ZZEF1: variants seen among roughly 807,000 people sequenced by gnomAD.
ZZEF1 encodes the protein zinc finger ZZ-type and EF-hand domain-containing protein 1.
In ZZEF1, 157 loss-of-function variants were observed where a neutral mutation model predicts 342.8. The observed-to-expected ratio is 0.46, with a 90% CI of 0.40 to 0.52. ZZEF1 has a LOEUF of 0.52. Among genes scored for constraint, ZZEF1 ranks in the 20% least tolerant of loss-of-function variants. The probability of loss-of-function intolerance (pLI) is 0.00; values close to 1 mark genes in which losing one functional copy is unlikely to be tolerated. For synonymous variants in ZZEF1, 1,505 were observed against 1,429.1 expected, an observed-to-expected ratio of 1.05 and a Z score of -1.20; for missense variants, 3,480 against 3,725.6, an observed-to-expected ratio of 0.93 and a Z score of 1.72.
intron 1 of ZZEF1, among the ~76,000 whole-genome samples, chr17:4,138,498 T>C (rs1224128439): frequency 1.3e-5 from 2 of 152,162 alleles, no homozygotes; most frequent in East Asian, 3.9e-4. Flanking sequence ...AATATGAGGT[T>C]TGAGTGTGTG....
intron 51 of ZZEF1, 23 bp from the exon 52 acceptor site, chr17:4,013,637 GATAT>G (rs1333783167): frequency 6.3e-7 from 1 of 1,598,580 alleles, no homozygotes; most frequent in East Asian, 2.3e-5. Context: ...CCAAAACACG[GATAT>G]ATAAACAGAG....
At chr17:4,007,955 C>CG (rs1019586108) in intron 54 of ZZEF1, among the ~76,000 whole-genome samples, 4 of 150,996 alleles carry the variant, frequency 2.6e-5, no homozygotes, top group Middle Eastern at 3.4e-3. Context: ...AGCTGTCCTC[C>CG]GGGGGGGTGG....
At chr17:4,134,771 C>T (rs553709446) in intron 1 of ZZEF1, among the ~76,000 whole-genome samples, 142 of 152,054 alleles carry the variant, frequency 9.3e-4, no homozygotes, top group African/African-American at 3.3e-3. Flanking sequence ...TACCATGGGC[C>T]AACAGACACT....
intron 12 of ZZEF1, 41 bp downstream of exon 12, chr17:4,090,678 A>C (rs1442474519): frequency 1.6e-5 from 25 of 1,516,230 alleles, no homozygotes; most frequent in Non-Finnish European, 1.9e-5. Flanking sequence ...AAAACACAGA[A>C]TAAAAGGAGG....
At chr17:4,119,334 G>A (rs2058447375) in intron 2 of ZZEF1, among the ~76,000 whole-genome samples, 1 of 152,220 alleles carries the variant, frequency 6.6e-6, no homozygotes, top group Admixed American at 6.5e-5. Context: ...CATCTTTCAA[G>A]TTCTTGATGG....
At chr17:4,091,379 C>T (rs2057939751) in intron 11 of ZZEF1, among the ~76,000 whole-genome samples, 2 of 152,344 alleles carry the variant, frequency 1.3e-5, no homozygotes, top group Admixed American at 6.5e-5. Context: ...TTCAGAAAAA[C>T]ATTCCAGCCT....
rs140548812 is a variant in ZZEF1, at chr17:4,009,740, G to T, written c.8597C>A (p.Ala2866Glu). 3 of 1,614,048 alleles carry T rather than the reference G, an allele frequency of 1.9e-6. No individual in the cohort carries two copies. Among genetic ancestry groups the T allele is most frequent in the Middle Eastern group, 1.6e-4 (1 of 6,062 alleles). Residue 2866 changes from alanine (A) to glutamate (E), a missense_variant, in exon 53 of 55, where the codon GCG (alanine) becomes GAG (glutamate). Ala to Glu is a moderately radical substitution (Grantham distance 107). This residue lies in a region of ZZEF1 where 1,269 missense variants were observed against 1,342.4 expected (regional missense o/e 0.95). Transcript: ENST00000381638. ...CCGHSDLCDL[A>E]LLKPLWQLFT... ...GAGCTGCCACAGGGGCTTCAACAGC[G>T]CAAGGTCACACAGGTCACTGCAGGA... is the stretch of plus-strand genomic sequence containing the variant.
At chr17:4,028,441 G>T (rs931851150) in intron 42 of ZZEF1, among the ~76,000 whole-genome samples, 2 of 151,930 alleles carry the variant, frequency 1.3e-5, no homozygotes, top group Non-Finnish European at 2.9e-5. Flanking sequence ...CCAGCTACTT[G>T]GGAGGCTGAG....
intron 44 of ZZEF1, among the ~76,000 whole-genome samples, chr17:4,022,078 C>T (rs1437090110): frequency 6.6e-6 from 1 of 152,148 alleles, no homozygotes; most frequent in Non-Finnish European, 1.5e-5. Flanking sequence ...TAAACCTAAC[C>T]AAATCCTCTT....
intron 33 of ZZEF1, among the ~76,000 whole-genome samples, chr17:4,054,494 G>A (rs1280320168): frequency 2.0e-5 from 3 of 152,172 alleles, no homozygotes; most frequent in Non-Finnish European, 4.4e-5. Context: ...TAATTCCTCA[G>A]GTGAGACCCA....
intron 16 of ZZEF1, among the ~76,000 whole-genome samples, chr17:4,085,460 C>T (rs964456017): frequency 1.3e-5 from 2 of 152,096 alleles, no homozygotes; most frequent in East Asian, 1.9e-4. Flanking sequence ...GTGAGACATC[C>T]GATCATGAAA....
In ZZEF1 at chr17:4,051,906, G is replaced by C. The variant is rs77427753; in HGVS notation, c.5600+65C>G. ...AAAACTTTTTTAAAAAAAGAAAGAA[G>C]TCCCTTTTCAAGTGAAGGAACGTGT... On this transcript the variant is annotated intron_variant, in intron 35 of 54. Coordinates refer to ENST00000381638, the MANE Select transcript of ZZEF1 (RefSeq NM_015113.4). The C allele has an allele frequency of 1.2e-3, 1,865 of 1,510,508 alleles. 21 individuals carry two copies. In the African/African-American group the frequency reaches 0.023, roughly 19 times the overall value. The allele number at this position is 1,510,508 out of a possible 1,614,324, so 93.6% of individuals were successfully genotyped here.
In ZZEF1 at chr17:4,139,740, T is replaced by C. The variant is rs140561721; in HGVS notation, c.354+2802A>G. Among the ~76,000 whole-genome samples, 311 of 152,338 alleles carry C rather than the reference T, an allele frequency of 2.0e-3. 2 individuals carry two copies. Among genetic ancestry groups the C allele is most frequent in the African/African-American group, 7.2e-3 (301 of 41,568 alleles). Reference sequence around the variant, plus strand: ...TGTGAGATTATCACAATCAGGTTTTTAAACCTTGGCTAAGCCTCACTCACA... The same window carrying C: ...TGTGAGATTATCACAATCAGGTTTTCAAACCTTGGCTAAGCCTCACTCACA... On this transcript the variant is annotated intron_variant, in intron 1 of 54. Coordinates refer to ENST00000381638, the MANE Select transcript of ZZEF1 (RefSeq NM_015113.4).
rs2056563855 is a variant in ZZEF1 at position 4,032,210 on chromosome 17, G to C, written c.6808C>G (p.Pro2270Ala). The C allele has an allele frequency of 1.2e-6, 2 of 1,613,962 alleles. No individual in the cohort carries two copies. Among genetic ancestry groups the C allele is most frequent in the Non-Finnish European group, 1.7e-6 (2 of 1,179,960 alleles). Reference protein sequence around the residue: ...RCVYMDNANEPHNVIILKHFT... With the variant: ...RCVYMDNANEAHNVIILKHFT... ...TGCTTCAAGATGATCACATTATGGGGTTCATTGGCATTATCCATATAAACG... is the reference window on the plus strand; with the variant it reads ...TGCTTCAAGATGATCACATTATGGGCTTCATTGGCATTATCCATATAAACG... Residue 2270 changes from proline (P) to alanine (A), a missense_variant, in exon 42 of 55, where the codon CCC becomes GCC. Transcript: ENST00000381638.
chr17:4,135,963 T>G (rs1306203584), intron 1 of ZZEF1, among the ~76,000 whole-genome samples: 2 of 151,618 alleles, frequency 1.3e-5, no homozygotes, highest in African/African-American at 4.8e-5. Flanking sequence ...CAATACTTTT[T>G]CTCATCAGTT....
At position 4,008,639 on chromosome 17, in the gene ZZEF1, G is replaced by A; in HGVS notation, c.8805+244C>T. ...CCAAACTAAATTTAAGGCATCGGTT[G>A]TTTTGGTTTTAAAGACACAAATTCT... On this transcript the variant is annotated intron_variant, in intron 54 of 54. Transcript: ENST00000381638. This position sits in a 1 kb window ranked among gnomAD's most constrained non-coding sequence, Gnocchi z 4.2. 8.2e-7 allele frequency: 1 copy of A among 1,221,592 alleles called. No homozygotes were observed. Among genetic ancestry groups the A allele is most frequent in the Non-Finnish European group, 1.0e-6 (1 of 978,914 alleles). 75.7% of individuals were successfully genotyped at this position (1,221,592 alleles called of 1,614,324 possible).
At chr17:4,007,307 G>C (rs1298993306) in intron 54 of ZZEF1, among the ~76,000 whole-genome samples, 1 of 152,268 alleles carries the variant, frequency 6.6e-6, no homozygotes, top group Non-Finnish European at 1.5e-5. Flanking sequence ...GAAACGAACA[G>C]CCAGTGCTGG....
intron 18 of ZZEF1, among the ~76,000 whole-genome samples, chr17:4,080,425 C>T (rs1484325413): frequency 1.3e-5 from 2 of 152,062 alleles, no homozygotes; most frequent in South Asian, 2.1e-4. Context: ...CTACAACCTC[C>T]GCCTCCCAGG....
rs115914263 is a variant in ZZEF1 at position 4,070,745 on chromosome 17, G to A, written c.4014C>T (p.Asn1338=). 1.7e-5 allele frequency: 28 copies of A among 1,614,078 alleles called. No individual in the cohort carries two copies. The highest frequency in any genetic ancestry group is 1.6e-4 in the Middle Eastern group (1 of 6,062). ...VAGSTIDQAV[N]ATFAALVYRT... ...GATACACCAGAGCAGCAAAGGTGGC[G>A]TTCACAGCTTGATCAATAGTGGAAC... The change falls in exon 26 of 55, where the codon AAC becomes AAT. Residue 1338 remains asparagine, a synonymous_variant. Transcript: ENST00000381638.
Sources: gnomAD v4.1 joint callset for allele counts (sites outside exome capture counted in the v4.1 genomes callset) on GRCh38, gnomAD v4.1.1 for gene constraint, gnomAD v4.1.1 regional missense constraint, Gnocchi (gnomAD v3.1) non-coding constraint, MANE v1.5 for transcripts, NCBI Gene and HGNC (gene_info 2026-07-23, HGNC 2026-07-21) for gene names.